The following DSCAM variants were observed in gnomAD, a reference collection of about 807,000 sequenced individuals.
The protein encoded by DSCAM is DS cell adhesion molecule, also known as cell adhesion molecule DSCAM.
A neutral mutation model predicts 217.7 loss-of-function variants in DSCAM; 47 were observed. That is an observed-to-expected ratio of 0.22 (90% CI 0.17 to 0.28). The LOEUF is 0.28. Among genes scored for constraint, DSCAM ranks in the 10% least tolerant of loss-of-function variants. The probability of loss-of-function intolerance (pLI) is 1.00; values close to 1 mark genes in which losing one functional copy is unlikely to be tolerated. For missense variants in DSCAM, 2,080 were observed against 2,618.3 expected (o/e 0.79, Z 4.49); for synonymous variants, 1,056 against 1,015.3 (o/e 1.04, Z -0.76).
At chr21:40,635,402 A>C in intron 3 of DSCAM, among the ~76,000 whole-genome samples, 1 of 152,286 alleles carries the variant, frequency 6.6e-6, no homozygotes, top group Middle Eastern at 3.4e-3. Flanking sequence ...TGCAGCTGCA[A>C]ATTGCTACCG....
At chr21:40,304,604 T>C (rs79386603) in intron 9 of DSCAM, among the ~76,000 whole-genome samples, 3,130 of 152,280 alleles carry the variant, frequency 0.021, 111 homozygotes, top group African/African-American at 0.072. Context: ...CATTTCTAGC[T>C]TTTGATTTAA....
chr21:40,117,488 C>T (rs1312698429), intron 20 of DSCAM, among the ~76,000 whole-genome samples: 1 of 152,126 alleles, frequency 6.6e-6, no homozygotes, highest in Non-Finnish European at 1.5e-5. Flanking sequence ...GGCCAGATTG[C>T]AGAGTCTTCA....
intron 3 of DSCAM, among the ~76,000 whole-genome samples, chr21:40,683,424 C>CAG (rs1001387553): frequency 1.3e-5 from 2 of 150,182 alleles, no homozygotes; most frequent in Admixed American, 6.6e-5. Context: ...GAGTGTGTGA[C>CAG]AGAGAGAGAG....
chr21:40,354,848 CAAAAA>C (rs11314417), intron 4 of DSCAM, among the ~76,000 whole-genome samples: 1 of 112,390 alleles, frequency 8.9e-6, no homozygotes, highest in African/African-American at 4.0e-5. Context: ...AACTCTGTCT[CAAAAA>C]AAAAAAAAAA....
chr21:40,648,048 C>T (rs2089968696), intron 3 of DSCAM, among the ~76,000 whole-genome samples: 1 of 151,966 alleles, frequency 6.6e-6, no homozygotes, highest in South Asian at 2.1e-4. Context: ...AGCAAGAAAA[C>T]AAATAAATAG....
intron 1 of DSCAM, among the ~76,000 whole-genome samples, chr21:40,811,310 T>C (rs1210005248): frequency 1.3e-5 from 2 of 152,258 alleles, no homozygotes; most frequent in African/African-American, 4.8e-5. Context: ...TTTGTGGCTC[T>C]GCATTTCAAA....
chr21:40,069,072 C>G (rs1293371977), intron 27 of DSCAM, among the ~76,000 whole-genome samples: 2 of 131,074 alleles, frequency 1.5e-5, no homozygotes, highest in African/African-American at 2.9e-5. Context: ...GCAAAAAGAG[C>G]AAAACTCTGT....
chr21:40,211,346 A>G (rs1040447936), intron 11 of DSCAM, among the ~76,000 whole-genome samples: 1 of 152,172 alleles, frequency 6.6e-6, no homozygotes, highest in African/African-American at 2.4e-5. Flanking sequence ...TGCTATGGAT[A>G]TTTTTATATA....
chr21:40,354,501 G>A (rs973516148), intron 4 of DSCAM, among the ~76,000 whole-genome samples: 1 of 152,018 alleles, frequency 6.6e-6, no homozygotes, highest in Non-Finnish European at 1.5e-5. Context: ...CCAACATGCT[G>A]GGATTACAGG....
chr21:40,432,481 C>T, intron 3 of DSCAM, among the ~76,000 whole-genome samples: 1 of 152,278 alleles, frequency 6.6e-6, no homozygotes, highest in African/African-American at 2.4e-5. Context: ...CACTCAAACA[C>T]TCTAGGATAT....
At chr21:40,787,595 C>T (rs1446638614) in intron 1 of DSCAM, among the ~76,000 whole-genome samples, 1 of 152,164 alleles carries the variant, frequency 6.6e-6, no homozygotes, top group Non-Finnish European at 1.5e-5. Context: ...TCATCCATTC[C>T]ACTCATATAT....
chr21:40,058,319 C>T (rs1006469290), intron 28 of DSCAM, among the ~76,000 whole-genome samples: 6 of 152,170 alleles, frequency 3.9e-5, no homozygotes, highest in African/African-American at 1.4e-4. Context: ...GCCAGGCTGG[C>T]CCTGCGATGG....
At chr21:40,130,477 A>G (rs1414120514) in intron 19 of DSCAM, among the ~76,000 whole-genome samples, 1 of 152,224 alleles carries the variant, frequency 6.6e-6, no homozygotes, top group African/African-American at 2.4e-5. Flanking sequence ...ATTTATGGAT[A>G]AAAGATGATA....
At chr21:40,221,800 A>G (rs564822621) in intron 11 of DSCAM, among the ~76,000 whole-genome samples, 1 of 152,196 alleles carries the variant, frequency 6.6e-6, no homozygotes, top group South Asian at 2.1e-4. Flanking sequence ...TCACTTCAGC[A>G]TGTCCTTGAC....
intron 1 of DSCAM, among the ~76,000 whole-genome samples, chr21:40,840,246 T>C (rs570209153): frequency 1.3e-5 from 2 of 152,284 alleles, no homozygotes; most frequent in African/African-American, 2.4e-5. Flanking sequence ...AAAAAACCCA[T>C]AAATCCATAG....
chr21:40,555,788 A>G (rs914212080), intron 3 of DSCAM, among the ~76,000 whole-genome samples: 6 of 152,132 alleles, frequency 3.9e-5, no homozygotes, highest in African/African-American at 1.4e-4. Context: ...GTCCACCACC[A>G]TGCTTGGCTA....
chr21:40,284,002 C>G (rs551784776), intron 10 of DSCAM, among the ~76,000 whole-genome samples: 11 of 151,394 alleles, frequency 7.3e-5, no homozygotes, highest in African/African-American at 2.7e-4. Flanking sequence ...TCCCTTTCAT[C>G]CTTATGGAGA....
chr21:40,094,127 T>C lies in DSCAM; in HGVS notation c.3697-253A>G, dbSNP rs555862693. 2.0e-5 allele frequency among the ~76,000 whole-genome samples: 3 copies of C among 152,228 alleles called. No individual in the cohort carries two copies. The East Asian group carries it at 5.8e-4, about 30-fold the overall frequency. On this transcript the variant is annotated intron_variant, in intron 20 of 32. Transcript: ENST00000400454. ...CCTTTACATTACAGGCCACAGCACT[T>C]CTGTATTTGGCTGAGATGGAGTAAC...
intron 8 of DSCAM, among the ~76,000 whole-genome samples, chr21:40,332,327 C>T (rs1030253906): frequency 6.6e-6 from 1 of 152,200 alleles, no homozygotes; most frequent in Non-Finnish European, 1.5e-5. Context: ...GGAATCAAAA[C>T]ATCTGCGTTT....
Sources: allele counts gnomAD v4.1 joint callset (sites outside exome capture counted in the v4.1 genomes callset), GRCh38; gene constraint gnomAD v4.1.1; transcripts MANE v1.5; gene names NCBI Gene and HGNC (gene_info 2026-07-23, HGNC 2026-07-21).